TNN: variants seen among roughly 807,000 people sequenced by gnomAD.
TNN encodes tenascin N, also known as tenascin-N.
Under a neutral mutation model 134.4 loss-of-function variants are expected in TNN, and 122 were observed. That is an observed-to-expected ratio of 0.91 (90% CI 0.78 to 1.06). The LOEUF (loss-of-function observed/expected upper bound fraction) is 1.06. Among genes scored for constraint, TNN ranks in the 50% least tolerant of loss-of-function variants. TNN has a pLI of 0.00. For missense variants in TNN, 1,739 were observed against 1,699.4 expected, an observed-to-expected ratio of 1.02 and a Z score of -0.41; for synonymous variants, 710 against 670.3, an observed-to-expected ratio of 1.06 and a Z score of -0.91.
At chr1:175,143,840 CA>C (rs1377644604) in intron 17 of TNN, among the ~76,000 whole-genome samples, 2 of 152,128 alleles carry the variant, frequency 1.3e-5, no homozygotes, top group African/African-American at 4.8e-5. Flanking sequence ...GGCTGGCAGG[CA>C]AGAAGCCAGA....
At position 175,077,487 on chromosome 1, in the gene TNN, G is replaced by C. The variant is rs761145505; in HGVS notation, c.69G>C (p.Ser23=). 5.5e-5 allele frequency: 88 copies of C among 1,613,510 alleles called. No individual in the cohort carries two copies. Among genetic ancestry groups the C allele is most frequent in the Non-Finnish European group, 6.9e-5 (81 of 1,180,010 alleles). Reference sequence around the variant, plus strand: ...TTGGCTCTGTGCTCCTGGTGGCTTCGGCCCCAGCCACTCTGGAGCCTCCCG... The same window carrying C: ...TTGGCTCTGTGCTCCTGGTGGCTTCCGCCCCAGCCACTCTGGAGCCTCCCG... ...LLLGSVLLVA[S]APATLEPPGC... The change falls in exon 2 of 19, where the codon TCG becomes TCC. Residue 23 remains serine (S), a synonymous_variant. Transcript: ENST00000239462.
At chr1:175,114,617 C>G (rs973132013) in intron 9 of TNN, among the ~76,000 whole-genome samples, 1 of 152,138 alleles carries the variant, frequency 6.6e-6, no homozygotes, top group Admixed American at 6.5e-5. Context: ...GCAGAGTGAT[C>G]TCTGTGTCAG....
Position 175,102,581 on chromosome 1 carries a change from G to T in TNN, c.2119+3986G>T, listed in dbSNP as rs551799217. 2.7e-4 allele frequency among the ~76,000 whole-genome samples: 39 copies of T among 146,098 alleles called. 6 individuals are homozygous for T. The South Asian group carries it at 8.5e-3, about 32-fold the overall frequency. ...TCACTGCCCGGGGCCAGCAGGGCTG[G>T]CCGGCTGCTCTGAGTGCGGGGCCCT... is the stretch of plus-strand genomic sequence containing the variant. On this transcript the variant is annotated intron_variant, in intron 9 of 18. Transcript: ENST00000239462.
At chr1:175,113,468 C>G (rs1182382341) in intron 9 of TNN, among the ~76,000 whole-genome samples, 1 of 152,036 alleles carries the variant, frequency 6.6e-6, no homozygotes, top group Non-Finnish European at 1.5e-5. Context: ...TAACACTTTT[C>G]TTTTACTGTT....
At chr1:175,085,607 G>C in intron 6 of TNN, 113 bp downstream of exon 6, 2 of 771,804 alleles carry the variant, frequency 2.6e-6, no homozygotes, top group Non-Finnish European at 4.4e-6. Flanking sequence ...AGACGGGGTG[G>C]CTCACGCCTG....
rs991621125 is a variant in TNN at position 175,091,826 on chromosome 1, G to C, written c.1325-2164G>C. On this transcript the variant is annotated intron_variant, in intron 6 of 18. Transcript: ENST00000239462. ...GCTAGTCTCGAACTCCTGGCCTCAA[G>C]TGATCCACCCAGCTTCACCTCCCAA... Among the ~76,000 whole-genome samples, 6 of 152,156 alleles carry C rather than the reference G, an allele frequency of 3.9e-5. No homozygotes were observed. The South Asian group carries it at 6.2e-4, about 16-fold the overall frequency.
Position 175,080,204 on chromosome 1 carries a change from G to T in TNN, c.826G>T (p.Asp276Tyr). 1 of 1,614,096 alleles carries T rather than the reference G, an allele frequency of 6.2e-7. No individual in the cohort carries two copies. Among genetic ancestry groups the T allele is most frequent in the South Asian group, 1.1e-5 (1 of 91,088 alleles). The change falls in exon 4 of 19, where the codon GAT (aspartate) becomes TAT (tyrosine). Residue 276 changes from aspartate to tyrosine, a missense_variant. Physicochemically the swap from Asp to Tyr is radical, Grantham distance 160 (BLOSUM62 -3). Transcript: ENST00000239462. ...QGLQLLKNTE[D>Y]SLLVSWEPSS... ...CCTGCAGCTGCTCAAGAACACGGAG[G>T]ATTCTCTGCTGGTGAGCTGGGAGCC...
intron 12 of TNN, among the ~76,000 whole-genome samples, chr1:175,125,963 TTCTCTC>T (rs151299690): frequency 2.1e-5 from 3 of 140,328 alleles, no homozygotes; most frequent in South Asian, 4.7e-4. Flanking sequence ...CTTTCTTTCC[TTCTCTC>T]TCTCTCTCTC....
At position 175,147,133 on chromosome 1, in the gene TNN, G is replaced by T; in HGVS notation, c.*62G>T. 3.5e-6 allele frequency: 5 copies of T among 1,423,166 alleles called. No individual in the cohort carries two copies. The highest frequency in any genetic ancestry group is 4.7e-6 in the Non-Finnish European group (5 of 1,074,176). 88.2% of individuals were successfully genotyped at this position (1,423,166 alleles called of 1,614,324 possible). On this transcript the variant is annotated 3_prime_UTR_variant, in exon 19 of 19. Coordinates refer to ENST00000239462, the MANE Select transcript of TNN (RefSeq NM_022093.2). ...AGCTGTGGCAGCTTGGGGCGGGGTG[G>T]GTAGTGGTCACTGCGGTCTGGGAGT...
In TNN at chr1:175,097,647, C is replaced by T. The variant is rs762192072; in HGVS notation, c.1819C>T (p.Arg607Ter). The change falls in exon 8 of 19, where the codon CGA (arginine) becomes TGA (stop). Residue 607 changes from arginine (R) to a stop codon, truncating the protein, a stop_gained. Transcript: ENST00000239462. LOFTEE classifies it high-confidence loss of function. ...GCATGTCTGGGCCCAGAAGGGGGAC[C>T]GAGAGAGCAAGAAGGCTGACACCAA... The part of the protein sequence containing the change: ...TVHVWAQKGD[R>*]ESKKADTNAP... 14 of 1,613,836 alleles carry T rather than the reference C, an allele frequency of 8.7e-6. No individual in the cohort carries two copies. The highest frequency in any genetic ancestry group is 5.5e-5 in the South Asian group (5 of 91,070).
intron 12 of TNN, among the ~76,000 whole-genome samples, chr1:175,126,523 T>C (rs1675532119): frequency 6.6e-6 from 1 of 152,212 alleles, no homozygotes; most frequent in Non-Finnish European, 1.5e-5. Context: ...TTGGGGCCCA[T>C]CCAGCATTTC....
At chr1:175,108,070 A>G (rs890788617) in intron 9 of TNN, among the ~76,000 whole-genome samples, 4 of 151,950 alleles carry the variant, frequency 2.6e-5, no homozygotes, top group Non-Finnish European at 5.9e-5. Flanking sequence ...AGCTAGATAC[A>G]GAGTGCCGAT....
intron 1 of TNN, among the ~76,000 whole-genome samples, chr1:175,070,967 A>G (rs1231424136): frequency 6.6e-6 from 1 of 152,234 alleles, no homozygotes; most frequent in Admixed American, 6.5e-5. Context: ...CAAGTTTGCC[A>G]GTGACATTTG....
In TNN at chr1:175,145,002, G is replaced by T. The variant is rs1676028951; in HGVS notation, c.3759+452G>T. Among the ~76,000 whole-genome samples the T allele has an allele frequency of 2.0e-5, 3 of 152,196 alleles. No homozygotes were observed. In the East Asian group the frequency reaches 5.8e-4, roughly 29 times the overall value. Reference sequence around the variant, plus strand: ...TGGTTCTTGGTGGTGGACCTTGCTGGCTTGTGGCTGTGCGTCCTCACATGG... The same window carrying T: ...TGGTTCTTGGTGGTGGACCTTGCTGTCTTGTGGCTGTGCGTCCTCACATGG... On this transcript the variant is annotated intron_variant, in intron 18 of 18. Transcript: ENST00000239462.
intron 6 of TNN, among the ~76,000 whole-genome samples, chr1:175,092,698 C>T (rs138500257): frequency 7.9e-5 from 12 of 152,298 alleles, no homozygotes; most frequent in East Asian, 1.9e-4. Context: ...CAAAAGCAAA[C>T]GCTTGGTCCT....
chr1:175,098,282 T>C (rs1674622682), intron 8 of TNN, 50 bp from the exon 9 acceptor site: 19 of 1,612,782 alleles, frequency 1.2e-5, no homozygotes, highest in Non-Finnish European at 1.6e-5. Context: ...GGTAAGGATA[T>C]GTCTTCCATG....
intron 9 of TNN, among the ~76,000 whole-genome samples, chr1:175,114,893 T>C (rs1675122507): frequency 6.6e-6 from 1 of 152,068 alleles, no homozygotes; most frequent in Non-Finnish European, 1.5e-5. Context: ...ATGGTGGGAC[T>C]TGGCAGTATC....
At chr1:175,128,556 G>C (rs1189441375) in intron 14 of TNN, 39 bp from the exon 15 acceptor site, 1 of 1,559,376 alleles carries the variant, frequency 6.4e-7, no homozygotes, top group Non-Finnish European at 8.7e-7. Context: ...TTTCCTCCTT[G>C]CCCTTGTCCT....
chr1:175,135,065 T>A (rs981485696), intron 15 of TNN, among the ~76,000 whole-genome samples: 2 of 152,168 alleles, frequency 1.3e-5, no homozygotes, highest in Non-Finnish European at 2.9e-5. Context: ...TTCACCCCCG[T>A]GCTCTTGCCT....
Sources: allele counts gnomAD v4.1 joint callset (sites outside exome capture counted in the v4.1 genomes callset), GRCh38; gene constraint gnomAD v4.1.1; transcripts MANE v1.5; gene names NCBI Gene and HGNC (gene_info 2026-07-23, HGNC 2026-07-21).